GATAD1: variants seen among roughly 807,000 people sequenced by gnomAD.
GATAD1 encodes GATA zinc finger domain-containing protein 1.
Under a neutral mutation model 26.5 loss-of-function variants are expected in GATAD1, and 12 were observed. That is an observed-to-expected ratio of 0.45 (90% CI 0.29 to 0.73). The LOEUF (loss-of-function observed/expected upper bound fraction) is 0.73, where lower values mean the gene tolerates loss of function less well. Among genes scored for constraint, GATAD1 ranks in the 30% least tolerant of loss-of-function variants. The pLI is 0.10. For missense variants in GATAD1, 266 were observed against 342.1 expected (o/e 0.78, Z 1.75); for synonymous variants, 129 against 133.1 (o/e 0.97, Z 0.21).
the GATAD1 span, among the ~76,000 whole-genome samples, chr7:92,485,215 T>C: frequency 6.6e-6 from 1 of 152,228 alleles, no homozygotes; most frequent in Non-Finnish European, 1.5e-5. Flanking sequence ...TCAGGCCATC[T>C]GGATGTATAC....
chr7:92,464,733 C>T (rs903283033), downstream of GATAD1, among the ~76,000 whole-genome samples: 2 of 152,172 alleles, frequency 1.3e-5, no homozygotes, highest in Non-Finnish European at 2.9e-5. Flanking sequence ...AAAGGACAAC[C>T]AGAAGAGTGG....
At position 92,450,733 on chromosome 7, in the gene GATAD1, A is replaced by T. The variant is rs1407415648; in HGVS notation, c.408A>T (p.Ile136=). The change falls in exon 3 of 5, where the codon ATA becomes ATT. Residue 136 remains isoleucine (I), a synonymous_variant. Transcript: ENST00000287957. ...AAGCTCCTGAGTCAGTTTCCACTAT[A>T]ATCACTGCAGAATCAATCTTCTACA... ...PIKAPESVST[I]ITAESIFYKG... 9 of 1,609,610 alleles carry T rather than the reference A, an allele frequency of 5.6e-6. No homozygotes were observed. Among genetic ancestry groups the T allele is most frequent in the Non-Finnish European group, 6.8e-6 (8 of 1,176,060 alleles).
chr7:92,448,123 G>C (rs1337710066), intron 1 of GATAD1, 145 bp downstream of exon 1: 4 of 494,656 alleles, frequency 8.1e-6, no homozygotes, highest in Non-Finnish European at 1.2e-5. Context: ...CTCCTACTGA[G>C]ATCTTTCGTT....
the GATAD1 span, chr7:92,493,192 T>C: frequency 1.1e-6 from 1 of 932,160 alleles, no homozygotes; most frequent in Non-Finnish European, 1.6e-6. Flanking sequence ...TCTTAAATTG[T>C]GTATCTTATG....
downstream of GATAD1, among the ~76,000 whole-genome samples, chr7:92,462,451 A>G (rs1789954310): frequency 6.6e-6 from 1 of 152,158 alleles, no homozygotes; most frequent in African/African-American, 2.4e-5. Flanking sequence ...AATAACAAGC[A>G]TAGTTGGAAT....
Position 92,456,458 on chromosome 7 carries a change from C to A in GATAD1, c.706C>A (p.Pro236Thr). The A allele has an allele frequency of 6.2e-7, 1 of 1,611,708 alleles. No homozygotes were observed. Among genetic ancestry groups the A allele is most frequent in the South Asian group, 1.1e-5 (1 of 91,040 alleles). Residue 236 changes from proline to threonine, a missense_variant, in exon 5 of 5, where the codon CCA (proline) becomes ACA (threonine). Physicochemically the swap from Pro to Thr is conservative, Grantham distance 38 (BLOSUM62 -1). Transcript: ENST00000287957. ...TGAGTATTTCAAGTCACGGTCATCA[C>A]CATTTCCCACAGTTCCCACCAGACC... ...PSEYFKSRSS[P>T]FPTVPTRPEK...
the GATAD1 span, among the ~76,000 whole-genome samples, chr7:92,485,328 T>C: frequency 3.3e-5 from 5 of 152,128 alleles, no homozygotes; most frequent in African/African-American, 2.4e-5. Context: ...CCTCCAGTCA[T>C]TGGAGCCATA....
At chr7:92,484,789 CAG>C in the GATAD1 span, among the ~76,000 whole-genome samples, 1 of 152,168 alleles carries the variant, frequency 6.6e-6, no homozygotes, top group Admixed American at 6.5e-5. Context: ...AGGGCAAGGA[CAG>C]GGGACTGGTC....
chr7:92,484,536 T>TTG, the GATAD1 span, among the ~76,000 whole-genome samples: 1 of 152,204 alleles, frequency 6.6e-6, no homozygotes, highest in African/African-American at 2.4e-5. Flanking sequence ...AGTCCGTGAC[T>TTG]GGTGCTGGAG....
the GATAD1 span, among the ~76,000 whole-genome samples, chr7:92,465,991 G>A: frequency 6.6e-6 from 1 of 152,124 alleles, no homozygotes; most frequent in South Asian, 2.1e-4. Context: ...CCGACAGAGT[G>A]AGACTCGGTC....
rs1789842194 is a variant in GATAD1, at chr7:92,459,626, G to A, written c.*3064G>A. Reference sequence around the variant, plus strand: ...TCCAAAGGCCTTTCTTAACACCTTCGGATTCTTTCTTTGAGAACTTTCCAG... The same window carrying A: ...TCCAAAGGCCTTTCTTAACACCTTCAGATTCTTTCTTTGAGAACTTTCCAG... On this transcript the variant is annotated 3_prime_UTR_variant, in exon 5 of 5. Coordinates refer to ENST00000287957, the MANE Select transcript of GATAD1 (RefSeq NM_021167.5). Among the ~76,000 whole-genome samples the A allele has an allele frequency of 6.6e-6, 1 of 152,108 alleles. No individual in the cohort carries two copies. The highest frequency in any genetic ancestry group is 6.5e-5 in the Admixed American group (1 of 15,274).
At chr7:92,491,028 C>CA in the GATAD1 span, among the ~76,000 whole-genome samples, 1 of 152,188 alleles carries the variant, frequency 6.6e-6, no homozygotes, top group Non-Finnish European at 1.5e-5. Context: ...AGAGAAACCT[C>CA]AAAGAAACCA....
chr7:92,472,115 T>G, the GATAD1 span: 1 of 152,236 alleles, frequency 6.6e-6, no homozygotes, highest in Non-Finnish European at 1.5e-5. Flanking sequence ...TGGCATAGGT[T>G]TGAGAAATTA....
the GATAD1 span, chr7:92,472,403 A>G: frequency 6.6e-6 from 1 of 152,214 alleles, no homozygotes; most frequent in African/African-American, 2.4e-5. Context: ...AATGAGGTCA[A>G]CCCTTTGCCA....
the GATAD1 span, among the ~76,000 whole-genome samples, chr7:92,488,256 T>C: frequency 1.3e-5 from 2 of 152,224 alleles, no homozygotes; most frequent in Non-Finnish European, 2.9e-5. Context: ...TAAACAAATA[T>C]GCTTTGGGAG....
downstream of GATAD1, among the ~76,000 whole-genome samples, chr7:92,462,677 G>A (rs1250128427): frequency 6.6e-6 from 1 of 152,238 alleles, no homozygotes; most frequent in East Asian, 1.9e-4. Context: ...ATGGTATTAG[G>A]GGAGTAGGGC....
chr7:92,475,134 A>G, the GATAD1 span: 1 of 152,300 alleles, frequency 6.6e-6, no homozygotes, highest in South Asian at 2.1e-4. Flanking sequence ...CCTTTTCTAC[A>G]AAAGAGGTCT....
chr7:92,476,752 G>A, the GATAD1 span, among the ~76,000 whole-genome samples: 20 of 151,970 alleles, frequency 1.3e-4, no homozygotes, highest in Non-Finnish European at 2.2e-4. Flanking sequence ...GGCAAGGGTG[G>A]TGGGGAGTGG....
the GATAD1 span, among the ~76,000 whole-genome samples, chr7:92,465,488 G>A: frequency 6.6e-6 from 1 of 151,836 alleles, no homozygotes; most frequent in Non-Finnish European, 1.5e-5. Context: ...TGTGGTGGCC[G>A]CTGCCTGTAA....
Sources: gnomAD v4.1 joint callset for allele counts (sites outside exome capture counted in the v4.1 genomes callset) on GRCh38, gnomAD v4.1.1 for gene constraint, MANE v1.5 for transcripts, NCBI Gene and HGNC (gene_info 2026-07-23, HGNC 2026-07-21) for gene names.